The following ATP9B variants were observed in gnomAD, a reference collection of about 807,000 sequenced individuals.
ATP9B encodes probable phospholipid-transporting ATPase IIB.
A neutral mutation model predicts 146.1 loss-of-function variants in ATP9B; 110 were observed. That is an observed-to-expected ratio of 0.75 (90% CI 0.65 to 0.88). The LOEUF is 0.88. ATP9B is among the 40% of genes least tolerant of loss of function. The pLI is 0.00. For synonymous variants in ATP9B, 604 were observed against 569.7 expected (o/e 1.06, Z -0.86); for missense variants, 1,499 against 1,496.4 (o/e 1.00, Z -0.03).
chr18:79,355,973 G>A (rs547319271), intron 25 of ATP9B, among the ~76,000 whole-genome samples: 11 of 152,298 alleles, frequency 7.2e-5, no homozygotes, highest in Admixed American at 2.6e-4. Context: ...AGCCAGTGAC[G>A]GCCGCTTCCG....
intron 19 of ATP9B, 80 bp downstream of exon 19, chr18:79,337,529 G>C (rs2096834446): frequency 6.5e-7 from 1 of 1,533,614 alleles, no homozygotes; most frequent in Admixed American, 2.0e-5. Context: ...GGTGATTTGT[G>C]AAACTCCTGT....
intron 7 of ATP9B, among the ~76,000 whole-genome samples, chr18:79,167,823 T>A (rs990452734): frequency 3.3e-5 from 5 of 152,122 alleles, no homozygotes; most frequent in Admixed American, 2.0e-4. Flanking sequence ...AAGGTAGGGT[T>A]TCACAGGGGA....
chr18:79,253,353 G>GT (rs2096048978), intron 11 of ATP9B, 28 bp from the exon 12 acceptor site: 1 of 1,592,052 alleles, frequency 6.3e-7, no homozygotes, highest in African/African-American at 1.4e-5. Flanking sequence ...TGGTTAGCTT[G>GT]TTCATGTATT....
chr18:79,354,644 G>A (rs1393816511), intron 25 of ATP9B: 1 of 137,212 alleles, frequency 7.3e-6, no homozygotes, highest in Non-Finnish European at 1.5e-5. Context: ...GGTGGGAGGT[G>A]AGGTAGATGG....
intron 1 of ATP9B, among the ~76,000 whole-genome samples, chr18:79,076,686 T>G (rs2072660978): frequency 6.6e-6 from 1 of 152,156 alleles, no homozygotes; most frequent in Non-Finnish European, 1.5e-5. Context: ...ATTCTATAAG[T>G]TTGTGTCTTT....
At chr18:79,160,664 T>G (rs2094865015) in intron 7 of ATP9B, among the ~76,000 whole-genome samples, 1 of 152,270 alleles carries the variant, frequency 6.6e-6, no homozygotes, top group Non-Finnish European at 1.5e-5. Context: ...TTTAGAAATG[T>G]CCACTTTTCA....
chr18:79,231,286 A>G (rs980896011), intron 11 of ATP9B, among the ~76,000 whole-genome samples: 10 of 152,186 alleles, frequency 6.6e-5, no homozygotes, highest in African/African-American at 1.9e-4. Flanking sequence ...CAAGGAACAC[A>G]AGTCATCAAG....
chr18:79,126,873 AC>A (rs1368033326), intron 5 of ATP9B, among the ~76,000 whole-genome samples: 1 of 152,064 alleles, frequency 6.6e-6, no homozygotes, highest in Non-Finnish European at 1.5e-5. Context: ...CAGGGCCTTA[AC>A]TCTTGCTTAA....
At chr18:79,181,748 A>T (rs2095254756) in intron 8 of ATP9B, among the ~76,000 whole-genome samples, 2 of 152,116 alleles carry the variant, frequency 1.3e-5, no homozygotes, top group South Asian at 2.1e-4. Flanking sequence ...TGGATGTTTC[A>T]TACGTTTCTC....
intron 15 of ATP9B, among the ~76,000 whole-genome samples, chr18:79,310,375 C>T (rs560547790): frequency 1.1e-4 from 16 of 152,312 alleles, no homozygotes; most frequent in African/African-American, 3.8e-4. Flanking sequence ...TGAGTAATAA[C>T]TAGAACAGAT....
intron 11 of ATP9B, among the ~76,000 whole-genome samples, chr18:79,252,788 T>G (rs1325702139): frequency 6.7e-6 from 1 of 149,814 alleles, no homozygotes; most frequent in African/African-American, 2.5e-5. Context: ...TTAAGCTAGC[T>G]AACTATTGCT....
At chr18:79,174,574 C>T (rs2095131289) in intron 7 of ATP9B, among the ~76,000 whole-genome samples, 1 of 140,498 alleles carries the variant, frequency 7.1e-6, no homozygotes, top group South Asian at 2.6e-4. Context: ...AAAACAATTC[C>T]TTCTCTTTCT....
chr18:79,344,201 G>T, intron 20 of ATP9B, 64 bp from the exon 21 acceptor site: 1 of 1,431,314 alleles, frequency 7.0e-7, no homozygotes, highest in Admixed American at 1.8e-5. Context: ...ATAATGCCCT[G>T]TTTCTCTGTG....
chr18:79,349,454 G>T (rs1299366523), intron 25 of ATP9B, among the ~76,000 whole-genome samples: 1 of 152,162 alleles, frequency 6.6e-6, no homozygotes, highest in African/African-American at 2.4e-5. Flanking sequence ...TCAGGGGCTG[G>T]CGCCGGGTGC....
rs150968078 is a variant in ATP9B, at chr18:79,366,957, A to G, written c.3013-5868A>G. On this transcript the variant is annotated intron_variant, in intron 26 of 29. Coordinates refer to ENST00000426216, the MANE Select transcript of ATP9B (RefSeq NM_198531.5). ...CTAGCACTGAACACCCTGCACAGCAACCTAGACAGCAGCATGACTAGATGA... is the reference window on the plus strand; with the variant it reads ...CTAGCACTGAACACCCTGCACAGCAGCCTAGACAGCAGCATGACTAGATGA... 2.5e-3 allele frequency among the ~76,000 whole-genome samples: 386 copies of G among 152,364 alleles called. 2 individuals are homozygous for G. The highest frequency in any genetic ancestry group is 8.9e-3 in the African/African-American group (370 of 41,582).
At chr18:79,088,555 G>C (rs2074043036) in intron 1 of ATP9B, among the ~76,000 whole-genome samples, 1 of 152,214 alleles carries the variant, frequency 6.6e-6, no homozygotes, top group Non-Finnish European at 1.5e-5. Context: ...TTGGAGTTGT[G>C]TATAAAAGAT....
intron 8 of ATP9B, among the ~76,000 whole-genome samples, chr18:79,184,230 T>C (rs1224613642): frequency 6.6e-6 from 1 of 152,228 alleles, no homozygotes; most frequent in Admixed American, 6.5e-5. Context: ...TTTACACTAT[T>C]ATAATTATTA....
intron 5 of ATP9B, among the ~76,000 whole-genome samples, chr18:79,141,063 C>T (rs1375139800): frequency 6.6e-6 from 1 of 152,140 alleles, no homozygotes; most frequent in African/African-American, 2.4e-5. Context: ...ACCCAAATCT[C>T]ATCTTGAATT....
intron 7 of ATP9B, among the ~76,000 whole-genome samples, chr18:79,159,631 CCTT>C (rs1188477314): frequency 6.6e-6 from 1 of 152,176 alleles, no homozygotes; most frequent in Non-Finnish European, 1.5e-5. Flanking sequence ...AGCTCCATTG[CCTT>C]CTTCCTATAG....
Sources: allele counts gnomAD v4.1 joint callset (sites outside exome capture counted in the v4.1 genomes callset), GRCh38; gene constraint gnomAD v4.1.1; transcripts MANE v1.5; gene names NCBI Gene and HGNC (gene_info 2026-07-23, HGNC 2026-07-21).